Variants in LGALS8 observed in about 807,000 individuals in gnomAD.
The protein encoded by LGALS8 is galectin-8.
Under a neutral mutation model 35.9 loss-of-function variants are expected in LGALS8, and 30 were observed. The ratio of observed to expected loss-of-function variants is 0.83; its 90% CI spans 0.62 to 1.13. LGALS8 has a LOEUF of 1.13. Ranked by LOEUF, LGALS8 falls within the 50% of genes most tolerant of loss-of-function variation. The probability of loss-of-function intolerance (pLI) is 0.00; values close to 1 mark genes in which losing one functional copy is unlikely to be tolerated. For synonymous variants in LGALS8, 138 were observed against 136.1 expected (o/e 1.01, Z -0.10); for missense variants, 366 against 388.7 (o/e 0.94, Z 0.49).
chr1:236,526,357 G>C lies in LGALS8; in HGVS notation c.45+242G>C, dbSNP rs1660818694. On this transcript the variant is annotated intron_variant, in intron 2 of 9. Coordinates refer to ENST00000366584, the MANE Select transcript of LGALS8 (RefSeq NM_201544.4). This position sits in a 1 kb window ranked among gnomAD's most constrained non-coding sequence, Gnocchi z 4.6. ...GTTATGAACAGGGAACGTCTGGGTAGAGTGGAGGGAATGCCAACTTTTGGT... is the reference window on the plus strand; with the variant it reads ...GTTATGAACAGGGAACGTCTGGGTACAGTGGAGGGAATGCCAACTTTTGGT... 1 of 340,796 alleles carries C rather than the reference G, an allele frequency of 2.9e-6. No homozygotes were observed. Among genetic ancestry groups the C allele is most frequent in the East Asian group, 4.4e-5 (1 of 22,472 alleles). The allele number at this position is 340,796 out of a possible 1,614,324, so 21.1% of individuals were successfully genotyped here.
At position 236,552,177 on chromosome 1, in the gene LGALS8, G is replaced by C. The variant is rs1662778648; in HGVS notation, c.*4016G>C. The C allele has an allele frequency of 2.0e-6, 2 of 988,440 alleles. No homozygotes were observed. The highest frequency in any genetic ancestry group is 2.0e-5 in the Admixed American group (1 of 49,348). The allele number at this position is 988,440 out of a possible 1,614,324, so 61.2% of individuals were successfully genotyped here. ...TATTTATTATCTTAAGAGCTGTACT[G>C]ACTTGAGACAAGCTCTAACTTTTTA... is the stretch of plus-strand genomic sequence containing the variant. On this transcript the variant is annotated 3_prime_UTR_variant, in exon 10 of 10. Coordinates refer to ENST00000366584, the MANE Select transcript of LGALS8 (RefSeq NM_201544.4).
chr1:236,528,118 C>T (rs1305346737), intron 2 of LGALS8, among the ~76,000 whole-genome samples: 1 of 152,058 alleles, frequency 6.6e-6, no homozygotes. Flanking sequence ...CATGGTGGCT[C>T]ACACCTGTAA....
At chr1:236,531,482 G>A (rs572719918) in intron 2 of LGALS8, among the ~76,000 whole-genome samples, 7 of 151,940 alleles carry the variant, frequency 4.6e-5, no homozygotes, top group Non-Finnish European at 8.8e-5. Context: ...CGCCACCCAC[G>A]CCTGGCTAAT....
rs1662539791 is a variant in LGALS8 at position 236,548,337 on chromosome 1, C to CTGAA, written c.*179_*182dup. ...CCATGAAGTATGGTGGTGTCTAGCACTGAATGGGGAAACTGGGGGCAGCAA... is the reference window on the plus strand; with the variant it reads ...CCATGAAGTATGGTGGTGTCTAGCACTGAATGAATGGGGAAACTGGGGGCAGCAA... On this transcript the variant is annotated 3_prime_UTR_variant, in exon 10 of 10. Coordinates refer to ENST00000366584, the MANE Select transcript of LGALS8 (RefSeq NM_201544.4). 4 of 622,898 alleles carry CTGAA rather than the reference C, an allele frequency of 6.4e-6. No homozygotes were observed. Among genetic ancestry groups the CTGAA allele is most frequent in the South Asian group, 6.2e-5 (3 of 48,778 alleles). The allele number at this position is 622,898 out of a possible 1,614,324, so 38.6% of individuals were successfully genotyped here.
chr1:236,538,729 ACAGT>A (rs1661745182), intron 3 of LGALS8, 146 bp from the exon 4 acceptor site: 2 of 628,612 alleles, frequency 3.2e-6, no homozygotes, highest in South Asian at 1.9e-5. Context: ...AAAAGATTAG[ACAGT>A]CAGCTCTTTA....
upstream of LGALS8, chr1:236,523,950 A>G: frequency 2.7e-6 from 1 of 371,042 alleles, no homozygotes; most frequent in South Asian, 1.9e-5. Flanking sequence ...ACGAGGACTG[A>G]CTCCTGTCGC....
At chr1:236,539,316 C>T (rs12759359) in intron 4 of LGALS8, 337,879 of 539,460 alleles carry the variant, frequency 0.63, 108,491 homozygotes, top group Non-Finnish European at 0.69. Flanking sequence ...CCACTGTGAC[C>T]AGATCTTTTT....
chr1:236,526,029 C>T lies in LGALS8; in HGVS notation c.-42C>T. ...ATGAAACTTGCCTAAAATCTTAGGT[C>T]ATACACAGAAGAGACTCCAATCGAC... On this transcript the variant is annotated 5_prime_UTR_variant, in exon 2 of 10. Coordinates refer to ENST00000366584, the MANE Select transcript of LGALS8 (RefSeq NM_201544.4). The surrounding 1 kb of genome is among the most constrained non-coding windows in gnomAD (Gnocchi z 4.6). The T allele has an allele frequency of 6.5e-7, 1 of 1,547,556 alleles. No individual in the cohort carries two copies. The highest frequency in any genetic ancestry group is 8.9e-7 in the Non-Finnish European group (1 of 1,120,408).
rs55866014 is a variant in LGALS8 at position 236,550,992 on chromosome 1, TAAAAAAAAA to T, written c.*2841_*2849del. On this transcript the variant is annotated 3_prime_UTR_variant, in exon 10 of 10. Coordinates refer to ENST00000366584, the MANE Select transcript of LGALS8 (RefSeq NM_201544.4). ...GATGTTCTACTTCTTCACATTCATC[TAAAAAAAAA>T]AAAAAAAAATCAAAATTAAAATCTG... 3.2e-6 allele frequency: 4 copies of T among 1,254,962 alleles called. No homozygotes were observed. The African/African-American group carries it at 6.3e-5, about 20-fold the overall frequency. The allele number at this position is 1,254,962 out of a possible 1,614,324, so 77.7% of individuals were successfully genotyped here. A position where few individuals can be genotyped will look rare whatever the true frequency, so the allele number is the denominator to read the frequency against.
At position 236,537,454 on chromosome 1, in the gene LGALS8, TTTTG is replaced by T. The variant is rs528561397; in HGVS notation, c.46-39_46-36del. The T allele has an allele frequency of 9.4e-4, 1,175 of 1,243,938 alleles. 2 individuals are homozygous for T. Among genetic ancestry groups the T allele is most frequent in the South Asian group, 1.8e-3 (153 of 84,064 alleles). 77.1% of individuals were successfully genotyped at this position (1,243,938 alleles called of 1,614,324 possible). A position where few individuals can be genotyped will look rare whatever the true frequency, so the allele number is the denominator to read the frequency against. On this transcript the variant is annotated intron_variant, in intron 2 of 9. Transcript: ENST00000366584. ...TGGGTTGTAATTGCTTAGTAAGTAA[TTTTG>T]TTTATGTAAACGTACATTTGTTAAA...
Position 236,539,100 on chromosome 1 carries a change from G to T in LGALS8, c.345+11G>T, listed in dbSNP as rs139380133. 2 of 1,609,412 alleles carry T rather than the reference G, an allele frequency of 1.2e-6. No individual in the cohort carries two copies. The highest frequency in any genetic ancestry group is 1.7e-6 in the Non-Finnish European group (2 of 1,176,544). The stretch of plus-strand genomic sequence containing the variant: ...AAGGACAAATTCCAGGTAGGTTTTG[G>T]AGAGGGACAGGTTGAGTCCTCATTA... On this transcript the variant is annotated intron_variant, in intron 4 of 9. Transcript: ENST00000366584.
At chr1:236,543,139 C>T in intron 7 of LGALS8, 1 of 1,099,134 alleles carries the variant, frequency 9.1e-7, no homozygotes, top group South Asian at 1.3e-5. Flanking sequence ...CAAAGCAGCC[C>T]CCTCTGCATT....
chr1:236,525,405 AT>A (rs5781891), intron 1 of LGALS8: 89,889 of 142,608 alleles, frequency 0.63, 31,537 homozygotes, highest in Non-Finnish European at 0.81. Flanking sequence ...AATTAATTAA[AT>A]TTTTTTTTTT....
chr1:236,520,664 C>G (rs1181346884), upstream of LGALS8, among the ~76,000 whole-genome samples: 1 of 152,180 alleles, frequency 6.6e-6, no homozygotes, highest in Non-Finnish European at 1.5e-5. Flanking sequence ...TGTGACACCA[C>G]TCTCAGCAAA....
chr1:236,536,102 T>C (rs1185940046), intron 2 of LGALS8: 1 of 152,240 alleles, frequency 6.6e-6, no homozygotes, highest in East Asian at 1.9e-4. Context: ...CCAGGGAGCT[T>C]GAAGAAGGCT....
At position 236,548,318 on chromosome 1, in the gene LGALS8, A is replaced by G; in HGVS notation, c.*157A>G. 1 of 697,326 alleles carries G rather than the reference A, an allele frequency of 1.4e-6. No individual in the cohort carries two copies. Among genetic ancestry groups the G allele is most frequent in the East Asian group, 2.8e-5 (1 of 36,068 alleles). 43.2% of individuals were successfully genotyped at this position (697,326 alleles called of 1,614,324 possible). ...TGGGTGTTCTCAGTCCTTGCCATGA[A>G]GTATGGTGGTGTCTAGCACTGAATG... On this transcript the variant is annotated 3_prime_UTR_variant, in exon 10 of 10. Transcript: ENST00000366584.
At chr1:236,528,184 C>T (rs1343842570) in intron 2 of LGALS8, among the ~76,000 whole-genome samples, 1 of 152,034 alleles carries the variant, frequency 6.6e-6, no homozygotes, top group East Asian at 1.9e-4. Flanking sequence ...AGTTCAAGAC[C>T]AGCCTGGCCA....
intron 5 of LGALS8, 82 bp from the exon 6 acceptor site, chr1:236,541,572 A>C (rs1327346898): frequency 4.5e-6 from 3 of 662,442 alleles, no homozygotes; most frequent in Non-Finnish European, 4.9e-6. Context: ...ACCATTTATA[A>C]TTTTTTTATA....
rs760421734 is a variant in LGALS8 at position 236,537,483 on chromosome 1, AT to A, written c.46-6del. 6 of 1,522,850 alleles carry A rather than the reference AT, an allele frequency of 3.9e-6. No homozygotes were observed. Among genetic ancestry groups the A allele is most frequent in the African/African-American group, 2.7e-5 (2 of 73,930 alleles). 94.3% of individuals were successfully genotyped at this position (1,522,850 alleles called of 1,614,324 possible). A position where few individuals can be genotyped will look rare whatever the true frequency, so the allele number is the denominator to read the frequency against. ...GTTTATGTAAACGTACATTTGTTAA[AT>A]TTTTTTTCTTAGGTAATCCCGTTTG... On this transcript the variant is annotated splice_polypyrimidine_tract_variant and intron_variant, in intron 2 of 9. Transcript: ENST00000366584.
Sources: gnomAD v4.1 joint callset for allele counts (sites outside exome capture counted in the v4.1 genomes callset) on GRCh38, gnomAD v4.1.1 for gene constraint, Gnocchi (gnomAD v3.1) non-coding constraint, MANE v1.5 for transcripts, NCBI Gene and HGNC (gene_info 2026-07-23, HGNC 2026-07-21) for gene names.